PEX13: variants seen among roughly 807,000 people sequenced by gnomAD.
The protein encoded by PEX13 is peroxisomal biogenesis factor 13, also known as peroxisome biogenesis factor 13.
A neutral mutation model predicts 34.5 loss-of-function variants in PEX13; 28 were observed. The observed-to-expected ratio is 0.81, with a 90% CI of 0.60 to 1.11. The LOEUF (loss-of-function observed/expected upper bound fraction) is 1.11. Ranked by LOEUF, PEX13 falls within the 50% of genes most tolerant of loss-of-function variation. The probability of loss-of-function intolerance (pLI) is 0.00; values close to 1 mark genes in which losing one functional copy is unlikely to be tolerated. For synonymous variants in PEX13, 177 were observed against 175.1 expected, an observed-to-expected ratio of 1.01 and a Z score of -0.09; for missense variants, 550 against 491.0, an observed-to-expected ratio of 1.12 and a Z score of -1.13.
intron 1 of PEX13, chr2:61,018,656 A>G (rs1054524840): frequency 1.2e-5 from 2 of 162,080 alleles, no homozygotes; most frequent in African/African-American, 4.8e-5. Context: ...TCCTAAGCGT[A>G]AAAACCCCAA....
chr2:61,027,116 A>G (rs1023356079), intron 1 of PEX13, among the ~76,000 whole-genome samples: 1 of 151,196 alleles, frequency 6.6e-6, no homozygotes, highest in African/African-American at 2.4e-5. Flanking sequence ...TGAGCCCAGG[A>G]GTTGGAAACC....
rs1176635226 is a variant in PEX13, at chr2:61,051,514, A to G, written c.*2744A>G. The G allele has an allele frequency of 6.6e-6, 1 of 152,320 alleles. No individual in the cohort carries two copies. The highest frequency in any genetic ancestry group is 1.5e-5 in the Non-Finnish European group (1 of 68,024). The allele number at this position is 152,320 out of a possible 1,614,324, so 9.4% of individuals were successfully genotyped here. A position where few individuals can be genotyped will look rare whatever the true frequency, so the allele number is the denominator to read the frequency against. ...GTGCCTGAAAATTCGTTTTGTATTAAAATTCTGGAGAAGGAATTCAGGACT... is the reference window on the plus strand; with the variant it reads ...GTGCCTGAAAATTCGTTTTGTATTAGAATTCTGGAGAAGGAATTCAGGACT... On this transcript the variant is annotated 3_prime_UTR_variant, in exon 4 of 4. Coordinates refer to ENST00000295030, the MANE Select transcript of PEX13 (RefSeq NM_002618.4).
At chr2:61,044,410 G>A (rs1225759814) in intron 2 of PEX13, among the ~76,000 whole-genome samples, 1 of 152,114 alleles carries the variant, frequency 6.6e-6, no homozygotes, top group Non-Finnish European at 1.5e-5. Context: ...CACCACATCT[G>A]CCTAATTTTG....
At chr2:61,041,271 G>A (rs1389998248) in intron 2 of PEX13, among the ~76,000 whole-genome samples, 1 of 152,150 alleles carries the variant, frequency 6.6e-6, no homozygotes, top group Non-Finnish European at 1.5e-5. Context: ...TGAGCCTGAA[G>A]TGAGCTGAGA....
At chr2:61,045,477 G>GA (rs899672107) in intron 2 of PEX13, among the ~76,000 whole-genome samples, 3 of 152,018 alleles carry the variant, frequency 2.0e-5, no homozygotes, top group African/African-American at 7.2e-5. Flanking sequence ...ACCCTTTTCA[G>GA]AAAAAATTTG....
In PEX13 at chr2:61,024,599, G is replaced by A. The variant is rs554778698; in HGVS notation, c.92+6748G>A. On this transcript the variant is annotated intron_variant, in intron 1 of 3. Transcript: ENST00000295030. ...CCGAGGCGCGTGGATCACGAGGTCA[G>A]GAGATCGAGACCATCCTGGCTAACA... is the stretch of plus-strand genomic sequence containing the variant. Among the ~76,000 whole-genome samples, 4 of 152,294 alleles carry A rather than the reference G, an allele frequency of 2.6e-5. No individual in the cohort carries two copies. In the East Asian group the frequency reaches 7.7e-4, roughly 29 times the overall value.
intron 1 of PEX13, among the ~76,000 whole-genome samples, chr2:61,030,575 A>G (rs989894141): frequency 6.6e-6 from 1 of 152,210 alleles, no homozygotes; most frequent in Non-Finnish European, 1.5e-5. Flanking sequence ...TACAGGTGTT[A>G]GATAAGCTTC....
chr2:61,023,732 CTTT>C (rs375431867), intron 1 of PEX13, among the ~76,000 whole-genome samples: 1 of 130,198 alleles, frequency 7.7e-6, no homozygotes. Context: ...TTCCTGACTT[CTTT>C]TTTTTTTTTT....
chr2:61,036,721 C>T (rs1475338996), intron 2 of PEX13, among the ~76,000 whole-genome samples: 7 of 152,130 alleles, frequency 4.6e-5, no homozygotes, highest in African/African-American at 9.7e-5. Context: ...CATCAATTAA[C>T]GGGCAAAATA....
At chr2:61,017,952 CT>C in intron 1 of PEX13, 101 bp downstream of exon 1, 1 of 1,379,348 alleles carries the variant, frequency 7.2e-7, no homozygotes, top group Non-Finnish European at 1.0e-6. Context: ...CCCTTCCCCC[CT>C]TTAACCAATA....
intron 3 of PEX13, among the ~76,000 whole-genome samples, chr2:61,046,524 A>G (rs146165838): frequency 2.6e-4 from 39 of 152,318 alleles, no homozygotes; most frequent in Admixed American, 3.9e-4. Context: ...GGTACTAATA[A>G]CAATAACATG....
At chr2:61,018,233 C>T (rs1439247563) in intron 1 of PEX13, 1 of 1,551,116 alleles carries the variant, frequency 6.4e-7, no homozygotes, top group African/African-American at 1.4e-5. Context: ...CCAGCCACGG[C>T]ATCGACAGGG....
At chr2:61,038,726 A>G (rs561764292) in intron 2 of PEX13, among the ~76,000 whole-genome samples, 23 of 152,350 alleles carry the variant, frequency 1.5e-4, no homozygotes, top group African/African-American at 5.3e-4. Context: ...CACCACTCCT[A>G]TTCAACATGG....
intron 2 of PEX13, among the ~76,000 whole-genome samples, chr2:61,035,800 A>G (rs1381522272): frequency 6.6e-6 from 1 of 152,128 alleles, no homozygotes; most frequent in African/African-American, 2.4e-5. Context: ...CCTGACCAAC[A>G]TGGAGAAACC....
chr2:61,031,862 T>G lies in PEX13; in HGVS notation c.536T>G (p.Phe179Cys). 1 of 1,611,938 alleles carries G rather than the reference T, an allele frequency of 6.2e-7. No individual in the cohort carries two copies. Among genetic ancestry groups the G allele is most frequent in the Non-Finnish European group, 8.5e-7 (1 of 1,177,972 alleles). The change falls in exon 2 of 4, where the codon TTT becomes TGT. Residue 179 changes from phenylalanine (F) to cysteine (C), a missense_variant. Phe to Cys is a radical substitution (Grantham distance 205). Transcript: ENST00000295030. The part of the protein sequence containing the change: ...SRLKIHFTKV[F>C]SAFALVRTIR... The stretch of plus-strand genomic sequence containing the variant: ...TTGAAAATACACTTTACAAAAGTGT[T>G]TTCAGCTTTTGCATTGGTTAGGACT...
At chr2:61,032,200 T>C (rs1210923532) in intron 2 of PEX13, 87 bp downstream of exon 2, 1 of 979,628 alleles carries the variant, frequency 1.0e-6, no homozygotes, top group Non-Finnish European at 1.6e-6. Flanking sequence ...TTTATATTGA[T>C]TTGTATTTAC....
chr2:61,039,962 T>G (rs1680595439), intron 2 of PEX13, among the ~76,000 whole-genome samples: 2 of 152,202 alleles, frequency 1.3e-5, no homozygotes, highest in Admixed American at 1.3e-4. Context: ...AAGAAGACAT[T>G]TATGCAGCCA....
At chr2:61,028,883 G>A (rs937504576) in intron 1 of PEX13, among the ~76,000 whole-genome samples, 5 of 152,076 alleles carry the variant, frequency 3.3e-5, no homozygotes, top group African/African-American at 1.2e-4. Flanking sequence ...AATTTAAAAA[G>A]CAGTGATAAA....
At chr2:61,017,978 T>A (rs1217197531) in intron 1 of PEX13, 127 bp downstream of exon 1, 1 of 1,317,510 alleles carries the variant, frequency 7.6e-7, no homozygotes, top group Non-Finnish European at 1.0e-6. Context: ...ACCTTGGGGA[T>A]AGGGGCCGAG....
Sources: gnomAD v4.1 joint callset for allele counts (sites outside exome capture counted in the v4.1 genomes callset) on GRCh38, gnomAD v4.1.1 for gene constraint, MANE v1.5 for transcripts, NCBI Gene and HGNC (gene_info 2026-07-23, HGNC 2026-07-21) for gene names.